NRG3: variants seen among roughly 807,000 people sequenced by gnomAD.
NRG3 encodes pro-neuregulin-3, membrane-bound isoform.
A neutral mutation model predicts 66.9 loss-of-function variants in NRG3; 31 were observed. The ratio of observed to expected loss-of-function variants is 0.46; its 90% confidence interval spans 0.35 to 0.63. NRG3 has a LOEUF of 0.63. NRG3 is among the 20% of genes least tolerant of loss of function. The probability of loss-of-function intolerance (pLI) is 0.00; values close to 1 mark genes in which losing one functional copy is unlikely to be tolerated. For synonymous variants in NRG3, 393 were observed against 359.4 expected (o/e 1.09, Z -1.06); for missense variants, 910 against 878.9 (o/e 1.04, Z -0.45).
intron 4 of NRG3, among the ~76,000 whole-genome samples, chr10:82,930,316 A>G (rs183099812): frequency 1.4e-4 from 21 of 152,328 alleles, no homozygotes; most frequent in African/African-American, 5.1e-4. Context: ...CGTACCTACT[A>G]TGGTTAGCAT....
At chr10:82,810,472 G>A (rs1344001820) in intron 3 of NRG3, among the ~76,000 whole-genome samples, 2 of 152,072 alleles carry the variant, frequency 1.3e-5, no homozygotes, top group Admixed American at 6.5e-5. Flanking sequence ...CAGTAAAGAA[G>A]TGACTGAAGG....
intron 1 of NRG3, among the ~76,000 whole-genome samples, chr10:81,972,109 G>A (rs2059955539): frequency 6.6e-6 from 1 of 151,990 alleles, no homozygotes; most frequent in Non-Finnish European, 1.5e-5. Flanking sequence ...CCTTAGTTGT[G>A]GAGACTAATT....
At chr10:82,342,875 T>C (rs2082756890) in intron 1 of NRG3, among the ~76,000 whole-genome samples, 1 of 152,194 alleles carries the variant, frequency 6.6e-6, no homozygotes, top group Non-Finnish European at 1.5e-5. Flanking sequence ...TCCTAGGTTT[T>C]CTTCAAGGAT....
At chr10:82,325,769 T>C (rs2081839548) in intron 1 of NRG3, among the ~76,000 whole-genome samples, 1 of 152,198 alleles carries the variant, frequency 6.6e-6, no homozygotes, top group South Asian at 2.1e-4. Flanking sequence ...ATGTGTATTA[T>C]AAGAACTCTG....
intron 1 of NRG3, among the ~76,000 whole-genome samples, chr10:82,131,959 G>GT (rs1370848249): frequency 6.6e-6 from 1 of 152,046 alleles, no homozygotes; most frequent in African/African-American, 2.4e-5. Context: ...GTTTCCAAAT[G>GT]TAAGATTATA....
chr10:82,054,437 G>A (rs565074942), intron 1 of NRG3, among the ~76,000 whole-genome samples: 72 of 152,286 alleles, frequency 4.7e-4, no homozygotes, highest in African/African-American at 1.6e-3. Flanking sequence ...AAGTGGAAGA[G>A]TAGGATTTTT....
chr10:82,265,459 G>T (rs1473880961), intron 1 of NRG3, among the ~76,000 whole-genome samples: 1 of 152,156 alleles, frequency 6.6e-6, no homozygotes, highest in African/African-American at 2.4e-5. Flanking sequence ...GATCCCAAGA[G>T]GTCAAGAAAC....
intron 2 of NRG3, among the ~76,000 whole-genome samples, chr10:82,563,170 G>T (rs1251274885): frequency 6.6e-6 from 1 of 152,080 alleles, no homozygotes; most frequent in Non-Finnish European, 1.5e-5. Flanking sequence ...ACTTTGATGA[G>T]ATTATGAATG....
Position 82,321,927 on chromosome 10 carries a change from G to A in NRG3, c.824-36812G>A, listed in dbSNP as rs146231712. On this transcript the variant is annotated intron_variant, in intron 1 of 8. Coordinates refer to ENST00000372141, the MANE Select transcript of NRG3 (RefSeq NM_001010848.4). ...TTGCCAGACCTCCTGGGGCATCAAA[G>A]TGCTGTCTGAATTAGAGAATAATGG... 2.8e-3 allele frequency among the ~76,000 whole-genome samples: 433 copies of A among 152,324 alleles called. 1 individual carries two copies. Among genetic ancestry groups the A allele is most frequent in the African/African-American group, 9.8e-3 (407 of 41,578 alleles).
chr10:82,445,467 G>C (rs967873426), intron 2 of NRG3, among the ~76,000 whole-genome samples: 1 of 152,160 alleles, frequency 6.6e-6, no homozygotes, highest in African/African-American at 2.4e-5. Context: ...GGTTCATCTA[G>C]AGAAGGATGT....
At chr10:82,475,543 A>G (rs1017734375) in intron 2 of NRG3, among the ~76,000 whole-genome samples, 2 of 152,148 alleles carry the variant, frequency 1.3e-5, no homozygotes, top group African/African-American at 4.8e-5. Flanking sequence ...AAACTTTTAC[A>G]TATATGGTTA....
chr10:82,518,226 T>G (rs1397480609), intron 2 of NRG3, among the ~76,000 whole-genome samples: 1 of 152,220 alleles, frequency 6.6e-6, no homozygotes, highest in East Asian at 1.9e-4. Context: ...GAACCTATTT[T>G]GACTATACAG....
rs182990852 is a variant in NRG3 at position 82,307,141 on chromosome 10, C to T, written c.824-51598C>T. Among the ~76,000 whole-genome samples, 201 of 152,032 alleles carry T rather than the reference C, an allele frequency of 1.3e-3. 1 individual carries two copies. Among genetic ancestry groups the T allele is most frequent in the African/African-American group, 4.7e-3 (194 of 41,488 alleles). On this transcript the variant is annotated intron_variant, in intron 1 of 8. Transcript: ENST00000372141. ...ATCCGATAGGCACATAAAAATTGTA[C>T]TCTCTATTAAAGGGCAAATGTTTTA... is the stretch of plus-strand genomic sequence containing the variant.
chr10:82,724,091 C>T (rs1304175217), intron 2 of NRG3, among the ~76,000 whole-genome samples: 1 of 149,728 alleles, frequency 6.7e-6, no homozygotes, highest in African/African-American at 2.5e-5. Flanking sequence ...AAACAAGAAA[C>T]AGGAATTTTT....
chr10:82,475,512 T>G (rs377297558), intron 2 of NRG3, among the ~76,000 whole-genome samples: 12 of 152,044 alleles, frequency 7.9e-5, no homozygotes, highest in Non-Finnish European at 2.9e-5. Context: ...CATGGGTGAA[T>G]AGAATAGAAA....
intron 2 of NRG3, among the ~76,000 whole-genome samples, chr10:82,380,062 C>A (rs893337826): frequency 2.6e-5 from 4 of 152,046 alleles, no homozygotes; most frequent in Non-Finnish European, 4.4e-5. Context: ...ATCCTCCTCA[C>A]CAAGGTTTAA....
At chr10:82,393,815 C>A (rs1252113915) in intron 2 of NRG3, among the ~76,000 whole-genome samples, 1 of 152,184 alleles carries the variant, frequency 6.6e-6, no homozygotes, top group Non-Finnish European at 1.5e-5. Flanking sequence ...CATCAGCAAG[C>A]TCCTGTTAGG....
chr10:82,066,579 C>A (rs984270142), intron 1 of NRG3, among the ~76,000 whole-genome samples: 2 of 152,172 alleles, frequency 1.3e-5, no homozygotes, highest in African/African-American at 4.8e-5. Flanking sequence ...GCATACTAAG[C>A]TTTGTGGACT....
At chr10:82,311,159 G>A (rs1007344989) in intron 1 of NRG3, among the ~76,000 whole-genome samples, 1 of 151,912 alleles carries the variant, frequency 6.6e-6, no homozygotes, top group African/African-American at 2.4e-5. Context: ...TGGCTCCTCC[G>A]CTGGTTACTG....
Sources: allele counts gnomAD v4.1 joint callset (sites outside exome capture counted in the v4.1 genomes callset), GRCh38; gene constraint gnomAD v4.1.1; transcripts MANE v1.5; gene names NCBI Gene and HGNC (gene_info 2026-07-23, HGNC 2026-07-21).